The following ATP10D variants were observed in gnomAD, a reference collection of about 807,000 sequenced individuals.
ATP10D encodes ATPase phospholipid transporting 10D (putative).
A neutral mutation model predicts 144.8 loss-of-function variants in ATP10D; 89 were observed. That is an observed-to-expected ratio of 0.61 (90% CI 0.52 to 0.73). ATP10D has a LOEUF of 0.73. Among genes scored for constraint, ATP10D ranks in the 30% least tolerant of loss-of-function variants. The pLI is 0.00. For synonymous variants in ATP10D, 571 were observed against 615.1 expected (o/e 0.93, Z 1.06); for missense variants, 1,603 against 1,714.8 (o/e 0.93, Z 1.15).
At position 47,532,163 on chromosome 4, in the gene ATP10D, C is replaced by T. The variant is rs1028573238; in HGVS notation, c.777-3346C>T. Among the ~76,000 whole-genome samples, 25 of 152,232 alleles carry T rather than the reference C, an allele frequency of 1.6e-4. No homozygotes were observed. The East Asian group carries it at 2.7e-3, about 16-fold the overall frequency. The stretch of plus-strand genomic sequence containing the variant: ...TGGAGCCATGGCCTACTTTTGTCAG[C>T]CTCTCTTTTCACCCTTTGGATATGG... On this transcript the variant is annotated intron_variant, in intron 5 of 22. Transcript: ENST00000273859.
At chr4:47,532,054 C>T (rs562297052) in intron 5 of ATP10D, among the ~76,000 whole-genome samples, 1 of 152,328 alleles carries the variant, frequency 6.6e-6, no homozygotes, top group Non-Finnish European at 1.5e-5. Context: ...GATAGTTTGT[C>T]TAGTGTCTGA....
At chr4:47,519,385 G>A (rs1716834776) in intron 3 of ATP10D, among the ~76,000 whole-genome samples, 1 of 152,198 alleles carries the variant, frequency 6.6e-6, no homozygotes, top group Non-Finnish European at 1.5e-5. Flanking sequence ...AGGGATTGTG[G>A]ATGCTGTGTC....
At position 47,535,957 on chromosome 4, in the gene ATP10D, A is replaced by C; in HGVS notation, c.939A>C (p.Lys313Asn). The C allele has an allele frequency of 6.2e-7, 1 of 1,613,204 alleles. No individual in the cohort carries two copies. The highest frequency in any genetic ancestry group is 8.5e-7 in the Non-Finnish European group (1 of 1,179,354). ...NNSGPRYKRS[K>N]LERRANTDVL... The stretch of plus-strand genomic sequence containing the variant: ...GTGGGCCACGGTATAAGCGCAGCAA[A>C]TTAGAAAGAAGAGCAAACACAGATG... The change falls in exon 7 of 23, where the codon AAA becomes AAC. Residue 313 changes from lysine to asparagine, a missense_variant. By Grantham distance (94) the Lys-to-Asn change is moderately conservative. Coordinates refer to ENST00000273859, the MANE Select transcript of ATP10D (RefSeq NM_020453.4).
chr4:47,546,528 G>A, intron 9 of ATP10D, 96 bp from the exon 10 acceptor site: 4 of 1,104,104 alleles, frequency 3.6e-6, no homozygotes, highest in Non-Finnish European at 5.4e-6. Flanking sequence ...AAGGGGAGGA[G>A]ATGGTGTGAA....
intron 9 of ATP10D, among the ~76,000 whole-genome samples, chr4:47,545,677 A>T (rs1311637645): frequency 6.6e-6 from 1 of 152,258 alleles, no homozygotes; most frequent in Non-Finnish European, 1.5e-5. Flanking sequence ...TTACAAAGAT[A>T]GTACCTATCA....
chr4:47,515,425 C>G lies in ATP10D; in HGVS notation c.291-51C>G, dbSNP rs757823453. On this transcript the variant is annotated intron_variant, in intron 2 of 22. Coordinates refer to ENST00000273859, the MANE Select transcript of ATP10D (RefSeq NM_020453.4). ...CAATATAGTACTTTGCCTCTGACAT[C>G]AGTCCTTGAAGTAACTTCTTAACAC... 2.2e-5 allele frequency: 32 copies of G among 1,447,118 alleles called. No individual in the cohort carries two copies. In the South Asian group the frequency reaches 2.8e-4, roughly 13 times the overall value. 89.6% of individuals were successfully genotyped at this position (1,447,118 alleles called of 1,614,324 possible).
chr4:47,582,986 TAACAA>T (rs1346688195), intron 21 of ATP10D: 4 of 151,982 alleles, frequency 2.6e-5, no homozygotes, highest in Non-Finnish European at 5.9e-5. Context: ...CTAAAAAAAA[TAACAA>T]AACTAACTGT....
In ATP10D at chr4:47,563,736, A is replaced by C. The variant is rs781034898; in HGVS notation, c.2824A>C (p.Lys942Gln). ...ATGCAAACTACTGGAGCCAGATGACAAGCTTTTTATCCTCAATACCCAAAG... is the reference window on the plus strand; with the variant it reads ...ATGCAAACTACTGGAGCCAGATGACCAGCTTTTTATCCTCAATACCCAAAG... Reference protein sequence around the residue: ...YACKLLEPDDKLFILNTQSKD... With the variant: ...YACKLLEPDDQLFILNTQSKD... The change falls in exon 15 of 23, where the codon AAG becomes CAG. Residue 942 changes from lysine to glutamine, a missense_variant. Transcript: ENST00000273859. 6.2e-7 allele frequency: 1 copy of C among 1,610,680 alleles called. No homozygotes were observed. The highest frequency in any genetic ancestry group is 1.1e-5 in the South Asian group (1 of 90,412).
intron 3 of ATP10D, among the ~76,000 whole-genome samples, chr4:47,518,715 C>G (rs983679228): frequency 1.3e-5 from 2 of 152,108 alleles, no homozygotes; most frequent in African/African-American, 4.8e-5. Context: ...AGATAATTAA[C>G]CTTAGTAACA....
chr4:47,504,280 A>C (rs1213895952), intron 1 of ATP10D, among the ~76,000 whole-genome samples: 2 of 152,138 alleles, frequency 1.3e-5, no homozygotes, highest in African/African-American at 2.4e-5. Context: ...GTGAAGAAAA[A>C]CCTTTTTTTT....
At chr4:47,569,733 G>T (rs1163610903) in intron 16 of ATP10D, among the ~76,000 whole-genome samples, 10 of 152,212 alleles carry the variant, frequency 6.6e-5, no homozygotes, top group Non-Finnish European at 1.3e-4. Context: ...GAGCACTGGA[G>T]ATGGGCTGGG....
intron 10 of ATP10D, among the ~76,000 whole-genome samples, chr4:47,549,655 T>G (rs916679218): frequency 6.6e-6 from 1 of 152,224 alleles, no homozygotes; most frequent in East Asian, 1.9e-4. Context: ...AATGAATAAT[T>G]ATAAACCTGT....
At chr4:47,590,764 A>T (rs4695252) in intron 22 of ATP10D, among the ~76,000 whole-genome samples, 40,878 of 152,034 alleles carry the variant, frequency 0.27, 5,637 homozygotes, top group Admixed American at 0.35. Flanking sequence ...CTATGTAGCA[A>T]CTATTTATAT....
chr4:47,564,411 A>G (rs1390775634), intron 15 of ATP10D, among the ~76,000 whole-genome samples: 1 of 152,104 alleles, frequency 6.6e-6, no homozygotes, highest in East Asian at 1.9e-4. Context: ...ATGAGAAAAT[A>G]TATCAAGTCC....
Position 47,546,612 on chromosome 4 carries a change from T to C in ATP10D, c.1397-12T>C, listed in dbSNP as rs774611272. 14 of 1,612,112 alleles carry C rather than the reference T, an allele frequency of 8.7e-6. No homozygotes were observed. The highest frequency in any genetic ancestry group is 1.2e-5 in the Non-Finnish European group (14 of 1,178,296). On this transcript the variant is annotated splice_polypyrimidine_tract_variant and intron_variant, in intron 9 of 22. Transcript: ENST00000273859. The stretch of plus-strand genomic sequence containing the variant: ...TCTCAGACATTGACTCAGTGTGCTT[T>C]TTATCCCACAGCCAGGAGGTTGGAG...
intron 9 of ATP10D, among the ~76,000 whole-genome samples, chr4:47,545,725 A>G (rs1170216205): frequency 1.3e-5 from 2 of 152,216 alleles, no homozygotes; most frequent in African/African-American, 4.8e-5. Context: ...ATATTGGCAA[A>G]ACAGACAGAA....
chr4:47,514,939 T>G (rs1716552235), intron 2 of ATP10D, among the ~76,000 whole-genome samples: 1 of 152,084 alleles, frequency 6.6e-6, no homozygotes, highest in Non-Finnish European at 1.5e-5. Flanking sequence ...CACTCAAATA[T>G]TTACTATTTT....
chr4:47,548,920 G>A (rs1369177205), intron 10 of ATP10D, among the ~76,000 whole-genome samples: 4 of 152,170 alleles, frequency 2.6e-5, no homozygotes, highest in African/African-American at 7.2e-5. Context: ...GCCCATCTGT[G>A]GAGCCCAGGT....
At chr4:47,542,523 G>C (rs1718190339) in intron 9 of ATP10D, among the ~76,000 whole-genome samples, 1 of 152,118 alleles carries the variant, frequency 6.6e-6, no homozygotes, top group African/African-American at 2.4e-5. Flanking sequence ...GTCTCGCCAG[G>C]TTGCAGTGAA....
Sources: allele counts gnomAD v4.1 joint callset (sites outside exome capture counted in the v4.1 genomes callset), GRCh38; gene constraint gnomAD v4.1.1; transcripts MANE v1.5; gene names NCBI Gene and HGNC (gene_info 2026-07-23, HGNC 2026-07-21).